The following SEC24B variants were observed in gnomAD, a reference collection of about 807,000 sequenced individuals.
The protein encoded by SEC24B is SEC24 homolog B, COPII component.
Under a neutral mutation model 142.8 loss-of-function variants are expected in SEC24B, and 45 were observed. The observed-to-expected ratio is 0.32, with a 90% CI of 0.25 to 0.40. The LOEUF is 0.40. Among genes scored for constraint, SEC24B ranks in the 10% least tolerant of loss-of-function variants. The pLI is 1.00. For missense variants in SEC24B, 1,409 were observed against 1,526.8 expected, an observed-to-expected ratio of 0.92 and a Z score of 1.29; for synonymous variants, 574 against 568.2, an observed-to-expected ratio of 1.01 and a Z score of -0.15.
chr4:109,531,694 G>A (rs532403617), intron 20 of SEC24B, among the ~76,000 whole-genome samples, 172 bp downstream of exon 20: 7 of 152,210 alleles, frequency 4.6e-5, no homozygotes, highest in South Asian at 4.2e-4. Flanking sequence ...TTGGATGGCA[G>A]GACTCTTAAA....
chr4:109,479,581 C>T (rs1733520451), intron 3 of SEC24B, among the ~76,000 whole-genome samples: 2 of 152,014 alleles, frequency 1.3e-5, no homozygotes, highest in South Asian at 2.1e-4. Flanking sequence ...TAGAGCAGGG[C>T]GCCATGCCTG....
At chr4:109,502,767 C>T (rs1054822146) in intron 6 of SEC24B, among the ~76,000 whole-genome samples, 2 of 152,182 alleles carry the variant, frequency 1.3e-5, no homozygotes, top group Non-Finnish European at 2.9e-5. Flanking sequence ...ATGTATACTT[C>T]AAGCAAGAAT....
chr4:109,445,348 A>G (rs1578758070), intron 1 of SEC24B, among the ~76,000 whole-genome samples: 1 of 133,892 alleles, frequency 7.5e-6, no homozygotes, highest in African/African-American at 2.9e-5. Flanking sequence ...GCTTCACACC[A>G]TTCTCCTGCC....
intron 7 of SEC24B, among the ~76,000 whole-genome samples, chr4:109,509,128 A>C (rs957012509): frequency 2.1e-4 from 32 of 152,182 alleles, no homozygotes; most frequent in African/African-American, 7.5e-4. Context: ...ATCTGGGTGA[A>C]GTGAGAGAGT....
At chr4:109,496,503 G>A (rs1194503685) in intron 6 of SEC24B, among the ~76,000 whole-genome samples, 1 of 152,156 alleles carries the variant, frequency 6.6e-6, no homozygotes, top group Non-Finnish European at 1.5e-5. Context: ...GGTGAAGTAA[G>A]AATGAAAATG....
At chr4:109,462,148 A>G (rs1731324305) in intron 1 of SEC24B, among the ~76,000 whole-genome samples, 1 of 152,116 alleles carries the variant, frequency 6.6e-6, no homozygotes, top group Admixed American at 6.5e-5. Flanking sequence ...GTGAACCATG[A>G]TCATGCCATC....
intron 13 of SEC24B, 84 bp downstream of exon 13, chr4:109,521,256 A>T (rs1723583244): frequency 2.0e-6 from 2 of 1,010,250 alleles, no homozygotes; most frequent in Admixed American, 4.6e-5. Flanking sequence ...TTTACTTGAT[A>T]TATTAGTATT....
At chr4:109,437,712 C>T (rs1305567951) in intron 1 of SEC24B, among the ~76,000 whole-genome samples, 1 of 152,212 alleles carries the variant, frequency 6.6e-6, no homozygotes, top group Non-Finnish European at 1.5e-5. Context: ...GCAACCTCCA[C>T]CTCCTGGGTT....
intron 1 of SEC24B, among the ~76,000 whole-genome samples, chr4:109,453,777 T>C (rs1730378258): frequency 6.6e-6 from 1 of 152,154 alleles, no homozygotes; most frequent in Non-Finnish European, 1.5e-5. Context: ...AGAGTATTGA[T>C]TGCGGAAGTG....
At chr4:109,483,088 A>AT (rs1733982519) in intron 4 of SEC24B, among the ~76,000 whole-genome samples, 1 of 143,744 alleles carries the variant, frequency 7.0e-6, no homozygotes, top group African/African-American at 2.5e-5. Flanking sequence ...GTATATATAT[A>AT]TATTTTTTTG....
intron 1 of SEC24B, among the ~76,000 whole-genome samples, chr4:109,445,254 T>TG (rs960701097): frequency 2.7e-5 from 4 of 146,474 alleles, no homozygotes; most frequent in African/African-American, 1.0e-4. Context: ...TTTTTTTTTT[T>TG]TTTTTTTGAG....
intron 8 of SEC24B, among the ~76,000 whole-genome samples, chr4:109,510,710 A>G (rs993930592): frequency 5.9e-5 from 9 of 152,200 alleles, no homozygotes; most frequent in Admixed American, 1.3e-4. Context: ...TAAACTTGTA[A>G]AGTTTTAAAA....
At position 109,520,426 on chromosome 4, in the gene SEC24B, C is replaced by T. The variant is rs770827012; in HGVS notation, c.2187C>T (p.Phe729=). Residue 729 remains phenylalanine (F), a synonymous_variant, in exon 12 of 24, where the codon TTC becomes TTT. Transcript: ENST00000265175. ...TGACCTTTGATAGCACTATTCATTT[C>T]TACAATTTACAAGAAGGATTATCAC... ...GFMTFDSTIH[F]YNLQEGLSQP... 7 of 1,612,158 alleles carry T rather than the reference C, an allele frequency of 4.3e-6. No individual in the cohort carries two copies. The East Asian group carries it at 1.6e-4, about 36-fold the overall frequency.
At chr4:109,468,370 C>T (rs1415098810) in intron 2 of SEC24B, among the ~76,000 whole-genome samples, 9 of 152,134 alleles carry the variant, frequency 5.9e-5, no homozygotes, top group East Asian at 1.9e-4. Context: ...GCTGAGAAGA[C>T]GAGATGTTCA....
chr4:109,510,207 C>T, intron 8 of SEC24B, 96 bp downstream of exon 8: 1 of 549,348 alleles, frequency 1.8e-6, no homozygotes, highest in Non-Finnish European at 2.9e-6. Context: ...TCTATATCTT[C>T]TTTTATTTGA....
chr4:109,459,933 G>A (rs1319777460), intron 1 of SEC24B, among the ~76,000 whole-genome samples: 1 of 152,112 alleles, frequency 6.6e-6, no homozygotes, highest in Non-Finnish European at 1.5e-5. Flanking sequence ...TTAAATAGGA[G>A]AAAGGAGGAC....
At position 109,520,289 on chromosome 4, in the gene SEC24B, A is replaced by G; in HGVS notation, c.2127-77A>G. ...TATGTGTAATTATCCTTGGACTTAA[A>G]TTACTATTTCATTATTTTCTGAAAT... On this transcript the variant is annotated intron_variant, in intron 11 of 23. Transcript: ENST00000265175. The G allele has an allele frequency of 3.4e-6, 3 of 890,578 alleles. No individual in the cohort carries two copies. In the South Asian group the frequency reaches 4.4e-5, roughly 13 times the overall value. 55.2% of individuals were successfully genotyped at this position (890,578 alleles called of 1,614,324 possible). A position where few individuals can be genotyped will look rare whatever the true frequency, so the allele number is the denominator to read the frequency against.
chr4:109,433,958 C>A lies in SEC24B; in HGVS notation c.89C>A (p.Ala30Glu), dbSNP rs1399323097. Residue 30 changes from alanine to glutamate, a missense_variant, in exon 1 of 24, where the codon GCG becomes GAG. This residue lies in a region of SEC24B where 709 missense variants were observed against 673.5 expected (regional missense o/e 1.05). Transcript: ENST00000265175. The stretch of plus-strand genomic sequence containing the variant: ...GGAGCGGCCGTCTCAGGAGCCGCAG[C>A]GCCCGCGGGCCCGGGTGCGGGCCCG... ...FGGAAVSGAA[A>E]PAGPGAGPAP... 8 of 1,237,270 alleles carry A rather than the reference C, an allele frequency of 6.5e-6. No homozygotes were observed. The African/African-American group carries it at 7.9e-5, about 12-fold the overall frequency. 76.6% of individuals were successfully genotyped at this position (1,237,270 alleles called of 1,614,324 possible).
At chr4:109,480,460 A>T (rs934073440) in intron 3 of SEC24B, among the ~76,000 whole-genome samples, 10 of 151,912 alleles carry the variant, frequency 6.6e-5, no homozygotes, top group Non-Finnish European at 7.4e-5. Flanking sequence ...TTATTTAAGA[A>T]GTGTTTTCAT....
Sources: gnomAD v4.1 joint callset for allele counts (sites outside exome capture counted in the v4.1 genomes callset) on GRCh38, gnomAD v4.1.1 for gene constraint, gnomAD v4.1.1 regional missense constraint, MANE v1.5 for transcripts, NCBI Gene and HGNC (gene_info 2026-07-23, HGNC 2026-07-21) for gene names.